Variants in CALN1 observed in about 807,000 individuals in gnomAD.
CALN1 encodes calneuron 1.
In CALN1, 17 loss-of-function variants were observed where a neutral mutation model predicts 30.6. That is an observed-to-expected ratio of 0.56 (90% CI 0.38 to 0.83). The LOEUF is 0.83. Ranked by LOEUF, CALN1 falls within the 40% of genes least tolerant of loss-of-function variation. CALN1 has a pLI of 0.00. For synonymous variants in CALN1, 156 were observed against 131.4 expected, an observed-to-expected ratio of 1.19 and a Z score of -1.28; for missense variants, 291 against 354.9, an observed-to-expected ratio of 0.82 and a Z score of 1.45.
chr7:72,270,092 C>CGTGTGT (rs538948120), intron 3 of CALN1, among the ~76,000 whole-genome samples: 3 of 149,618 alleles, frequency 2.0e-5, no homozygotes, highest in Non-Finnish European at 3.0e-5. Flanking sequence ...TGGGTGTTTC[C>CGTGTGT]GTGTGTGTGT....
intron 2 of CALN1, among the ~76,000 whole-genome samples, chr7:72,285,203 T>C (rs1798004230): frequency 6.6e-6 from 1 of 152,164 alleles, no homozygotes; most frequent in African/African-American, 2.4e-5. Flanking sequence ...ATATTTTTGC[T>C]TCTTTTATTT....
chr7:72,338,525 G>GTGTGTGTCTGTCTTTC, intron 2 of CALN1, among the ~76,000 whole-genome samples: 5 of 122,292 alleles, frequency 4.1e-5, no homozygotes, highest in African/African-American at 1.6e-4. Context: ...GTGTGTGTGT[G>GTGTGTGTCTGTCTTTC]TGTCTCACCT....
intron 2 of CALN1, among the ~76,000 whole-genome samples, chr7:72,300,582 G>C (rs1012646925): frequency 6.6e-6 from 1 of 152,262 alleles, no homozygotes; most frequent in Admixed American, 6.5e-5. Context: ...TGTTTCAACT[G>C]AGAAAAACGA....
At chr7:72,020,789 A>G (rs1395321815) in intron 5 of CALN1, among the ~76,000 whole-genome samples, 2 of 152,226 alleles carry the variant, frequency 1.3e-5, no homozygotes, top group African/African-American at 4.8e-5. Flanking sequence ...ATATTGTAAG[A>G]GATATATTTC....
At chr7:72,355,328 C>G (rs1376941719) in intron 2 of CALN1, among the ~76,000 whole-genome samples, 2 of 152,168 alleles carry the variant, frequency 1.3e-5, no homozygotes, top group Non-Finnish European at 2.9e-5. Context: ...GAGTTCAAGA[C>G]CAGCCTGGCC....
At chr7:72,361,278 G>A (rs1372518619) in intron 2 of CALN1, among the ~76,000 whole-genome samples, 3 of 152,082 alleles carry the variant, frequency 2.0e-5, no homozygotes, top group Non-Finnish European at 4.4e-5. Flanking sequence ...GGTCCCTGGG[G>A]CTGGATGCTA....
chr7:72,243,731 G>T (rs183714576), intron 3 of CALN1, among the ~76,000 whole-genome samples: 1 of 152,280 alleles, frequency 6.6e-6, no homozygotes, highest in East Asian at 1.9e-4. Flanking sequence ...GATTCTGTAT[G>T]TGGACAGCAA....
At chr7:72,027,685 T>G (rs1801151253) in intron 4 of CALN1, among the ~76,000 whole-genome samples, 1 of 150,836 alleles carries the variant, frequency 6.6e-6, no homozygotes, top group Non-Finnish European at 1.5e-5. Flanking sequence ...CACTCCAGCC[T>G]GGGTTGACAG....
chr7:72,160,210 G>C (rs181375212), intron 3 of CALN1, among the ~76,000 whole-genome samples: 3 of 152,178 alleles, frequency 2.0e-5, no homozygotes, highest in Non-Finnish European at 2.9e-5. Context: ...GAGTTCTCAT[G>C]ATGGCCACAG....
chr7:72,129,606 A>G (rs988483104), intron 3 of CALN1, among the ~76,000 whole-genome samples: 2 of 152,186 alleles, frequency 1.3e-5, no homozygotes, highest in Non-Finnish European at 2.9e-5. Flanking sequence ...ACGAAATGAT[A>G]TAATGTCTGG....
intron 3 of CALN1, among the ~76,000 whole-genome samples, chr7:72,210,637 TA>T (rs1007943210): frequency 6.6e-6 from 1 of 151,720 alleles, no homozygotes; most frequent in African/African-American, 2.4e-5. Context: ...ACCAAACACT[TA>T]AAAAAACAGC....
intron 4 of CALN1, among the ~76,000 whole-genome samples, chr7:72,028,605 A>C (rs1043642816): frequency 6.6e-6 from 1 of 152,214 alleles, no homozygotes; most frequent in African/African-American, 2.4e-5. Context: ...CAGATCATGG[A>C]AATATTTGCT....
chr7:72,114,566 G>A (rs62462815), intron 3 of CALN1, among the ~76,000 whole-genome samples: 40,411 of 151,974 alleles, frequency 0.27, 5,972 homozygotes, highest in Non-Finnish European at 0.34. Flanking sequence ...ATCCCAGGGA[G>A]GGCTTTAGTG....
chr7:72,208,917 T>C (rs1490562227), intron 3 of CALN1, among the ~76,000 whole-genome samples: 1 of 152,094 alleles, frequency 6.6e-6, no homozygotes, highest in Non-Finnish European at 1.5e-5. Flanking sequence ...TTTCCAGGAC[T>C]CAGAAATTCC....
chr7:72,410,050 T>C (rs546784880), intron 1 of CALN1, among the ~76,000 whole-genome samples: 5 of 148,620 alleles, frequency 3.4e-5, no homozygotes, highest in African/African-American at 1.2e-4. Flanking sequence ...TTCTTGAAGA[T>C]ATCTTTTGGA....
intron 3 of CALN1, among the ~76,000 whole-genome samples, chr7:72,225,029 G>C (rs1793570898): frequency 6.6e-6 from 1 of 152,000 alleles, no homozygotes; most frequent in East Asian, 1.9e-4. Context: ...ATGAACCCAG[G>C]AGGTGGAGCT....
intron 3 of CALN1, among the ~76,000 whole-genome samples, chr7:72,229,694 A>G (rs1424187086): frequency 6.6e-6 from 1 of 151,974 alleles, no homozygotes; most frequent in African/African-American, 2.4e-5. Flanking sequence ...AGAAAACCAA[A>G]CACCGCATGT....
intron 2 of CALN1, among the ~76,000 whole-genome samples, chr7:72,379,584 TCA>T (rs896537966): frequency 2.6e-5 from 4 of 152,358 alleles, no homozygotes; most frequent in Non-Finnish European, 4.4e-5. Context: ...CATTCCCTGG[TCA>T]CAGTGTTCAT....
At chr7:72,122,443 G>T (rs1263538282) in intron 3 of CALN1, among the ~76,000 whole-genome samples, 2 of 152,160 alleles carry the variant, frequency 1.3e-5, no homozygotes, top group Admixed American at 1.3e-4. Context: ...ATCCTTTCAA[G>T]AAGCTACATT....
Sources: allele counts gnomAD v4.1 joint callset (sites outside exome capture counted in the v4.1 genomes callset), GRCh38; gene constraint gnomAD v4.1.1; transcripts MANE v1.5; gene names NCBI Gene and HGNC (gene_info 2026-07-23, HGNC 2026-07-21).